The following NBAS variants were observed in gnomAD, a reference collection of about 807,000 sequenced individuals.
NBAS encodes NAG/BC035112 fusion.
NBAS carries 219 observed loss-of-function variants against 302.5 expected under a neutral mutation model. The observed-to-expected ratio is 0.72, with a 90% confidence interval of 0.65 to 0.81. The LOEUF (loss-of-function observed/expected upper bound fraction) is 0.81. NBAS is among the 30% of genes least tolerant of loss of function. The pLI is 0.00. For missense variants in NBAS, 2,932 were observed against 2,841.6 expected, an observed-to-expected ratio of 1.03 and a Z score of -0.72; for synonymous variants, 1,118 against 1,021.6, an observed-to-expected ratio of 1.09 and a Z score of -1.80.
At chr2:14,810,561 G>T in the NBAS span, among the ~76,000 whole-genome samples, 1 of 152,150 alleles carries the variant, frequency 6.6e-6, no homozygotes, top group Admixed American at 6.5e-5. Flanking sequence ...TAAATTGCTC[G>T]GTCTTGGGCA....
intron 15 of NBAS, among the ~76,000 whole-genome samples, chr2:15,473,805 A>T (rs1288842162): frequency 2.6e-5 from 4 of 152,186 alleles, no homozygotes; most frequent in African/African-American, 7.2e-5. Flanking sequence ...AGGCCACATG[A>T]AGGGTAGCAA....
chr2:15,184,708 G>C (rs1384363743), intron 50 of NBAS, among the ~76,000 whole-genome samples: 1 of 152,180 alleles, frequency 6.6e-6, no homozygotes, highest in Non-Finnish European at 1.5e-5. Flanking sequence ...GCCATGGACT[G>C]ATAGCAGTCC....
the NBAS span, among the ~76,000 whole-genome samples, chr2:15,015,698 A>T: frequency 6.6e-6 from 1 of 152,202 alleles, no homozygotes; most frequent in Admixed American, 6.5e-5. Context: ...GATAGGGAAA[A>T]GCTGAAAGCT....
At chr2:15,538,230 A>C in intron 7 of NBAS, 2 of 235,378 alleles carry the variant, frequency 8.5e-6, no homozygotes, top group South Asian at 1.0e-4. Context: ...CAAATATAAA[A>C]TTACATTTGA....
intron 12 of NBAS, among the ~76,000 whole-genome samples, chr2:15,488,008 C>A (rs1212427352): frequency 6.6e-6 from 1 of 152,166 alleles, no homozygotes; most frequent in African/African-American, 2.4e-5. Context: ...AATACAGAGT[C>A]ACTTTCTCTT....
At chr2:15,488,649 A>T (rs1680732606) in intron 12 of NBAS, among the ~76,000 whole-genome samples, 1 of 152,178 alleles carries the variant, frequency 6.6e-6, no homozygotes, top group Non-Finnish European at 1.5e-5. Context: ...GAAGAGTTTA[A>T]CAAACTCTTT....
At chr2:15,300,363 A>T (rs896529539) in intron 40 of NBAS, among the ~76,000 whole-genome samples, 1 of 152,234 alleles carries the variant, frequency 6.6e-6, no homozygotes, top group Non-Finnish European at 1.5e-5. Flanking sequence ...AATTTCCAAG[A>T]TGATTCATCT....
intron 44 of NBAS, 96 bp from the exon 45 acceptor site, chr2:15,238,782 G>A (rs1667726378): frequency 8.9e-7 from 1 of 1,124,938 alleles, no homozygotes; most frequent in Non-Finnish European, 1.3e-6. Flanking sequence ...TGAAATTTTT[G>A]TATATATGAT....
At chr2:15,452,399 T>A (rs1679063027) in intron 21 of NBAS, among the ~76,000 whole-genome samples, 1 of 150,722 alleles carries the variant, frequency 6.6e-6, no homozygotes, top group Admixed American at 6.6e-5. Flanking sequence ...ATCAAGACCA[T>A]CCTGGCTAAC....
the NBAS span, among the ~76,000 whole-genome samples, chr2:14,918,324 A>C: frequency 6.8e-6 from 1 of 147,240 alleles, no homozygotes; most frequent in Admixed American, 6.7e-5. Context: ...AAAAAAAAAA[A>C]AAAAAACAAT....
chr2:15,101,490 T>A, the NBAS span, among the ~76,000 whole-genome samples: 1 of 8,750 alleles, frequency 1.1e-4, no homozygotes, highest in Non-Finnish European at 1.8e-4. Flanking sequence ...TATAAATGCA[T>A]GTAAATAACC....
the NBAS span, among the ~76,000 whole-genome samples, chr2:15,094,478 T>C: frequency 6.6e-6 from 1 of 152,160 alleles, no homozygotes; most frequent in African/African-American, 2.4e-5. Context: ...AAATTAGATA[T>C]TGTAGAGCCA....
intron 19 of NBAS, among the ~76,000 whole-genome samples, chr2:15,465,017 C>T (rs965903420): frequency 6.6e-5 from 10 of 152,200 alleles, no homozygotes; most frequent in African/African-American, 2.2e-4. Context: ...TTCTCTAAGC[C>T]TCAGTTTTCA....
Position 15,474,153 on chromosome 2 carries a change from G to C in NBAS, c.1513C>G (p.Pro505Ala). The change falls in exon 15 of 52, where the codon CCA becomes GCA. Residue 505 changes from proline to alanine, a missense_variant. Transcript: ENST00000281513. ...LVTEMERFAP[P>A]RKRPRTITKN... The stretch of plus-strand genomic sequence containing the variant: ...GTAATGGTTCGTGGGCGTTTCCGTG[G>C]TGGTGCAAATCGCTCCATTTCAGTC... The C allele has an allele frequency of 1.2e-6, 2 of 1,614,138 alleles. No homozygotes were observed. Among genetic ancestry groups the C allele is most frequent in the South Asian group, 2.2e-5 (2 of 91,084 alleles).
At chr2:15,374,539 TA>T in intron 31 of NBAS, 68 bp downstream of exon 31, 2 of 1,360,552 alleles carry the variant, frequency 1.5e-6, no homozygotes, top group Non-Finnish European at 2.1e-6. Flanking sequence ...TTTTAAAAAC[TA>T]AAAAAGAATA....
chr2:15,261,926 A>C (rs1385958384), intron 44 of NBAS, among the ~76,000 whole-genome samples: 1 of 152,206 alleles, frequency 6.6e-6, no homozygotes, highest in Non-Finnish European at 1.5e-5. Flanking sequence ...ATTTATAGCA[A>C]AATCAAATGT....
the NBAS span, among the ~76,000 whole-genome samples, chr2:15,047,818 C>T: frequency 6.6e-6 from 1 of 152,260 alleles, no homozygotes; most frequent in Non-Finnish European, 1.5e-5. Flanking sequence ...ACCGTCCCAT[C>T]TCTGCTAATC....
At chr2:15,158,763 G>A in the NBAS span, among the ~76,000 whole-genome samples, 1 of 152,172 alleles carries the variant, frequency 6.6e-6, no homozygotes, top group Admixed American at 6.5e-5. Context: ...AGGGCTCCAG[G>A]TGGCCATGTG....
At position 15,468,464 on chromosome 2, in the gene NBAS, C is replaced by T; in HGVS notation, c.1795G>A (p.Ala599Thr). 6.2e-7 allele frequency: 1 copy of T among 1,613,986 alleles called. No individual in the cohort carries two copies. The highest frequency in any genetic ancestry group is 8.5e-7 in the Non-Finnish European group (1 of 1,179,930). The change falls in exon 17 of 52, where the codon GCA becomes ACA. Residue 599 changes from alanine (A) to threonine (T), a missense_variant. Ala to Thr is a moderately conservative substitution (Grantham distance 58, BLOSUM62 0). Coordinates refer to ENST00000281513, the MANE Select transcript of NBAS (RefSeq NM_015909.4). The stretch of plus-strand genomic sequence containing the variant: ...AATCCATACTGAAGCAGTTCTTTTG[C>T]AGCATCCACATTTTCAGGAACTCTT... ...LERVPENVDA[A>T]KELLQYGLKG...
Sources: allele counts gnomAD v4.1 joint callset (sites outside exome capture counted in the v4.1 genomes callset), GRCh38; gene constraint gnomAD v4.1.1; transcripts MANE v1.5; gene names NCBI Gene and HGNC (gene_info 2026-07-23, HGNC 2026-07-21).